Variants in ACBD6 observed in about 807,000 individuals in gnomAD.
ACBD6 encodes the protein acyl-CoA binding domain containing 6, also known as acyl-CoA-binding domain-containing protein 6.
A neutral mutation model predicts 37.2 loss-of-function variants in ACBD6; 28 were observed. The observed-to-expected ratio is 0.75, with a 90% CI of 0.56 to 1.03. The LOEUF (loss-of-function observed/expected upper bound fraction) is 1.03, where lower values mean the gene tolerates loss of function less well. Ranked by LOEUF, ACBD6 falls within the 50% of genes least tolerant of loss-of-function variation. ACBD6 has a pLI of 0.00. For synonymous variants in ACBD6, 113 were observed against 126.8 expected, an observed-to-expected ratio of 0.89 and a Z score of 0.73; for missense variants, 340 against 337.4, an observed-to-expected ratio of 1.01 and a Z score of -0.06.
Position 180,466,763 on chromosome 1 carries a change from G to GT in ACBD6, c.384+25505dup, listed in dbSNP as rs879702354. On this transcript the variant is annotated intron_variant, in intron 3 of 7. Transcript: ENST00000367595. ...TACATACAACATCAGGCATGGTTTTGTTTTTTTCTTTCTTAAAGTTTTCTA... is the reference window on the plus strand; with the variant it reads ...TACATACAACATCAGGCATGGTTTTGTTTTTTTTCTTTCTTAAAGTTTTCTA... Among the ~76,000 whole-genome samples the GT allele has an allele frequency of 2.0e-5, 3 of 151,950 alleles. No homozygotes were observed. The East Asian group carries it at 5.8e-4, about 29-fold the overall frequency.
intron 4 of ACBD6, among the ~76,000 whole-genome samples, chr1:180,418,345 AGGAG>A (rs1374897643): frequency 6.6e-6 from 1 of 152,138 alleles, no homozygotes; most frequent in Non-Finnish European, 1.5e-5. Context: ...TGGGAGGTCA[AGGAG>A]GGAGGATCAC....
chr1:180,446,766 G>C (rs1649491915), intron 3 of ACBD6, among the ~76,000 whole-genome samples: 1 of 152,076 alleles, frequency 6.6e-6, no homozygotes, highest in African/African-American at 2.4e-5. Context: ...CATTTAGCCA[G>C]GTGCAGTCTC....
At chr1:180,492,092 A>G (rs1187754977) in intron 3 of ACBD6, among the ~76,000 whole-genome samples, 177 bp downstream of exon 3, 1 of 152,202 alleles carries the variant, frequency 6.6e-6, no homozygotes, top group Non-Finnish European at 1.5e-5. Context: ...TACAGGTATG[A>G]GCCACCACAC....
chr1:180,332,192 T>G (rs1029944439), intron 6 of ACBD6, among the ~76,000 whole-genome samples: 3 of 152,192 alleles, frequency 2.0e-5, no homozygotes, highest in African/African-American at 7.2e-5. Context: ...CCACCTAGTT[T>G]GTGGCACTTT....
In ACBD6 at chr1:180,357,888, C is replaced by A. The variant is rs777606369; in HGVS notation, c.663+39628G>T. Among the ~76,000 whole-genome samples the A allele has an allele frequency of 2.6e-5, 4 of 152,118 alleles. No individual in the cohort carries two copies. The South Asian group carries it at 8.3e-4, about 32-fold the overall frequency. On this transcript the variant is annotated intron_variant, in intron 6 of 7. Coordinates refer to ENST00000367595, the MANE Select transcript of ACBD6 (RefSeq NM_032360.4). ...GCTTATTTCATAAGCTCTTGTAATT[C>A]TTTGGTCGTTCATATTGTGTTAACT...
At chr1:180,308,329 A>G (rs1650465542) in intron 7 of ACBD6, among the ~76,000 whole-genome samples, 1 of 152,082 alleles carries the variant, frequency 6.6e-6, no homozygotes, top group African/African-American at 2.4e-5. Flanking sequence ...TCATTCACTC[A>G]AGTGTATTTT....
At chr1:180,278,799 A>G (rs1649198343) in intron 9 of ACBD6, 1 of 147,348 alleles carries the variant, frequency 6.8e-6, no homozygotes, top group African/African-American at 2.4e-5. Context: ...AGTTAAAGAG[A>G]AATGAAGTCT....
intron 6 of ACBD6, among the ~76,000 whole-genome samples, chr1:180,317,876 T>C (rs1375900875): frequency 1.3e-5 from 2 of 152,158 alleles, no homozygotes; most frequent in Non-Finnish European, 2.9e-5. Context: ...TGCCAATTCC[T>C]ATAAGAATAC....
At chr1:180,403,523 T>C (rs1647477180) in intron 5 of ACBD6, among the ~76,000 whole-genome samples, 1 of 152,204 alleles carries the variant, frequency 6.6e-6, no homozygotes, top group South Asian at 2.1e-4. Flanking sequence ...AGAATCGAGA[T>C]GGTAGAAATA....
chr1:180,274,425 T>C, intron 10 of ACBD6: 3 of 1,614,196 alleles, frequency 1.9e-6, no homozygotes, highest in Non-Finnish European at 2.5e-6. Flanking sequence ...AATTTGGGCA[T>C]CATTGCGCAT....
chr1:180,274,032 C>A, exon 11 of ACBD6: 1 of 862,616 alleles, frequency 1.2e-6, no homozygotes. Flanking sequence ...GGATATCAGG[C>A]TGCCATATTG....
intron 7 of ACBD6, among the ~76,000 whole-genome samples, chr1:180,302,387 A>G (rs1190012633): frequency 6.6e-6 from 1 of 151,918 alleles, no homozygotes; most frequent in Non-Finnish European, 1.5e-5. Flanking sequence ...CCTGCATATG[A>G]ATCTGGGTGC....
intron 6 of ACBD6, among the ~76,000 whole-genome samples, chr1:180,321,905 C>CAT (rs1223883929): frequency 6.6e-6 from 1 of 152,066 alleles, no homozygotes; most frequent in Non-Finnish European, 1.5e-5. Context: ...CTTCCATTAT[C>CAT]ATGTTGAATA....
chr1:180,343,079 A>G (rs1357622990), intron 6 of ACBD6, among the ~76,000 whole-genome samples: 2 of 152,112 alleles, frequency 1.3e-5, no homozygotes, highest in Admixed American at 6.5e-5. Flanking sequence ...AAAATAGGTT[A>G]TATGTTTGAA....
rs746337148 is a variant in ACBD6, at chr1:180,492,277, T to C, written c.376A>G (p.Asn126Asp). 1.2e-6 allele frequency: 2 copies of C among 1,613,598 alleles called. No individual in the cohort carries two copies. Among genetic ancestry groups the C allele is most frequent in the Non-Finnish European group, 1.7e-6 (2 of 1,179,536 alleles). ...TAATCATTAAGTCTTACCTGAGGAT[T>C]CCAACCTGGATCTAGTTTTTTAACT... is the stretch of plus-strand genomic sequence containing the variant. ...AVVKKLDPGW[N>D]PQIPEKKGKE... The change falls in exon 3 of 8, where the codon AAT becomes GAT. Residue 126 changes from asparagine to aspartate, a missense_variant. Coordinates refer to ENST00000367595, the MANE Select transcript of ACBD6 (RefSeq NM_032360.4).
At chr1:180,386,188 G>A (rs934922955) in intron 6 of ACBD6, among the ~76,000 whole-genome samples, 2 of 151,990 alleles carry the variant, frequency 1.3e-5, no homozygotes, top group African/African-American at 2.4e-5. Flanking sequence ...AACAAAAACC[G>A]CATTCAGTAG....
intron 3 of ACBD6, among the ~76,000 whole-genome samples, chr1:180,487,112 A>G (rs755909918): frequency 2.0e-5 from 3 of 152,190 alleles, no homozygotes; most frequent in Non-Finnish European, 4.4e-5. Context: ...TAGAAGATGG[A>G]TCAGCATTTG....
At chr1:180,390,116 T>C (rs1391551151) in intron 6 of ACBD6, among the ~76,000 whole-genome samples, 1 of 152,138 alleles carries the variant, frequency 6.6e-6, no homozygotes, top group African/African-American at 2.4e-5. Context: ...GGTTTTCTTC[T>C]AGGGTTTTTA....
chr1:180,301,687 T>A (rs1426495915), intron 7 of ACBD6, among the ~76,000 whole-genome samples: 1 of 152,142 alleles, frequency 6.6e-6, no homozygotes, highest in Admixed American at 6.6e-5. Context: ...CCCCCTTGTG[T>A]TATTCAAGGT....
Sources: gnomAD v4.1 joint callset for allele counts (sites outside exome capture counted in the v4.1 genomes callset) on GRCh38, gnomAD v4.1.1 for gene constraint, MANE v1.5 for transcripts, NCBI Gene and HGNC (gene_info 2026-07-23, HGNC 2026-07-21) for gene names.